CCDC38: variants seen among roughly 807,000 people sequenced by gnomAD.
CCDC38 encodes the protein coiled-coil domain containing 38.
CCDC38 carries 69 observed loss-of-function variants against 72.8 expected under a neutral mutation model. The observed-to-expected ratio is 0.95, with a 90% CI of 0.78 to 1.16. The LOEUF (loss-of-function observed/expected upper bound fraction) is 1.16, where lower values mean the gene tolerates loss of function less well. CCDC38 is among the 50% of genes most tolerant of loss of function. The pLI is 0.00. For missense variants in CCDC38, 626 were observed against 638.9 expected, an observed-to-expected ratio of 0.98 and a Z score of 0.22; for synonymous variants, 201 against 213.2, an observed-to-expected ratio of 0.94 and a Z score of 0.50.
chr12:95,878,885 A>C (rs973869143), intron 12 of CCDC38, among the ~76,000 whole-genome samples: 1 of 152,226 alleles, frequency 6.6e-6, no homozygotes, highest in African/African-American at 2.4e-5. Flanking sequence ...CAGAAATGGT[A>C]ATGGGTAGCT....
rs749877793 is a variant in CCDC38, at chr12:95,914,797, CT to C, written c.304+2331del. 1.2e-3 allele frequency among the ~76,000 whole-genome samples: 182 copies of C among 149,946 alleles called. 1 individual carries two copies. The highest frequency in any genetic ancestry group is 5.5e-3 in the South Asian group (26 of 4,712). On this transcript the variant is annotated intron_variant, in intron 4 of 15. Transcript: ENST00000344280. The stretch of plus-strand genomic sequence containing the variant: ...CCTCACACCCTATACCCTACACACA[CT>C]TTTTTTTTTCCCAAGCCATTCATTT...
At chr12:95,910,699 C>CA (rs1473081218) in intron 4 of CCDC38, among the ~76,000 whole-genome samples, 1 of 151,972 alleles carries the variant, frequency 6.6e-6, no homozygotes, top group African/African-American at 2.4e-5. Context: ...CCCATCTTTA[C>CA]AAAAAAATTA....
intron 4 of CCDC38, among the ~76,000 whole-genome samples, chr12:95,906,991 C>T (rs2080011694): frequency 6.6e-6 from 1 of 151,178 alleles, no homozygotes; most frequent in African/African-American, 2.4e-5. Flanking sequence ...CGTTTGTGTC[C>T]CTGGGTACTT....
At chr12:95,909,659 A>G (rs188021620) in intron 4 of CCDC38, among the ~76,000 whole-genome samples, 5 of 125,974 alleles carry the variant, frequency 4.0e-5, no homozygotes, top group African/African-American at 1.3e-4. Context: ...TCAAAAAAAC[A>G]CTAGCAAACT....
In CCDC38 at chr12:95,879,702, C is replaced by T. The variant is rs1210299390; in HGVS notation, c.1084G>A (p.Asp362Asn). 2 of 1,608,958 alleles carry T rather than the reference C, an allele frequency of 1.2e-6. No individual in the cohort carries two copies. The highest frequency in any genetic ancestry group is 8.5e-7 in the Non-Finnish European group (1 of 1,175,608). ...ACCTCTTCAAGATTTTCATCTACAT[C>T]TTGGGAATATTGAAACAAAGTAAGA... is the stretch of plus-strand genomic sequence containing the variant. ...QNLTLFQYSQ[D>N]VDENLEEVNK... The change falls in exon 12 of 16, where the codon GAT (aspartate) becomes AAT (asparagine). Residue 362 changes from aspartate (D) to asparagine (N), a missense_variant. Coordinates refer to ENST00000344280, the MANE Select transcript of CCDC38 (RefSeq NM_182496.3). The surrounding 1 kb of genome is among the most constrained non-coding windows in gnomAD (Gnocchi z 5.5).
chr12:95,914,780 C>G (rs1187656870), intron 4 of CCDC38, among the ~76,000 whole-genome samples: 1 of 151,974 alleles, frequency 6.6e-6, no homozygotes, highest in Non-Finnish European at 1.5e-5. Context: ...CTCCTCACAC[C>G]CTATACCCTA....
chr12:95,881,209 T>G (rs576341464), intron 11 of CCDC38, among the ~76,000 whole-genome samples: 50 of 150,602 alleles, frequency 3.3e-4, no homozygotes, highest in Non-Finnish European at 6.8e-4. Flanking sequence ...AGTGGCTATT[T>G]TTACAAGAAG....
rs138021354 is a variant in CCDC38, at chr12:95,891,807, G to A, written c.773-877C>T. On this transcript the variant is annotated intron_variant, in intron 8 of 15. Transcript: ENST00000344280. Reference sequence around the variant, plus strand: ...CTAATTTAATCACACTTGGCACAGTGAGAGACCTAGGGAACTCAGCAGGGA... The same window carrying A: ...CTAATTTAATCACACTTGGCACAGTAAGAGACCTAGGGAACTCAGCAGGGA... Among the ~76,000 whole-genome samples the A allele has an allele frequency of 5.2e-4, 79 of 152,150 alleles. 2 individuals are homozygous for A. The East Asian group carries it at 0.014, about 27-fold the overall frequency.
chr12:95,934,725 T>C (rs2080373874), intron 2 of CCDC38: 1 of 149,528 alleles, frequency 6.7e-6, no homozygotes, highest in African/African-American at 2.5e-5. Context: ...ACTAAATAAC[T>C]AGGCTGGGTG....
chr12:95,932,393 T>C (rs2080347135), intron 2 of CCDC38, among the ~76,000 whole-genome samples: 1 of 152,308 alleles, frequency 6.6e-6, no homozygotes, highest in African/African-American at 2.4e-5. Context: ...CTTCCTTCCA[T>C]TTGTTTCTTC....
intron 9 of CCDC38, among the ~76,000 whole-genome samples, chr12:95,890,253 A>C (rs894664552): frequency 1.3e-5 from 2 of 152,170 alleles, no homozygotes; most frequent in African/African-American, 4.8e-5. Context: ...AAGCCAAACA[A>C]CACCAAAACA....
intron 3 of CCDC38, among the ~76,000 whole-genome samples, chr12:95,918,068 A>G (rs1350534570): frequency 6.6e-6 from 1 of 152,182 alleles, no homozygotes; most frequent in East Asian, 1.9e-4. Context: ...GTTGTTGAGC[A>G]TTTCTAGATA....
intron 2 of CCDC38, among the ~76,000 whole-genome samples, chr12:95,931,296 C>A (rs2080335674): frequency 6.6e-6 from 1 of 152,192 alleles, no homozygotes; most frequent in African/African-American, 2.4e-5. Flanking sequence ...TGTCACATCA[C>A]CTTCTCGGTC....
At chr12:95,923,727 G>A (rs1221693736) in intron 2 of CCDC38, among the ~76,000 whole-genome samples, 128 of 151,820 alleles carry the variant, frequency 8.4e-4, no homozygotes, top group African/African-American at 2.3e-3. Context: ...AGAGTGTGAT[G>A]TTCCCCTTCC....
chr12:95,909,756 T>C (rs1397655748), intron 4 of CCDC38, among the ~76,000 whole-genome samples: 5 of 152,110 alleles, frequency 3.3e-5, no homozygotes, highest in Admixed American at 2.0e-4. Flanking sequence ...TATACACAAA[T>C]CAATAAATGT....
In CCDC38 at chr12:95,878,238, G is replaced by C; in HGVS notation, c.1251C>G (p.Ser417Arg). The C allele has an allele frequency of 1.2e-6, 2 of 1,613,416 alleles. No individual in the cohort carries two copies. The highest frequency in any genetic ancestry group is 1.7e-6 in the Non-Finnish European group (2 of 1,179,734). ...AELQLKSKLFSFGEFNSDAQE... is the reference protein window; with the variant it reads ...AELQLKSKLFRFGEFNSDAQE... Reference sequence around the variant, plus strand: ...GAGCATCTGAATTAAATTCTCCAAAGCTAAAGAGCTTGGACTTTAATTGCA... The same window carrying C: ...GAGCATCTGAATTAAATTCTCCAAACCTAAAGAGCTTGGACTTTAATTGCA... The change falls in exon 13 of 16, where the codon AGC (serine) becomes AGG (arginine). Residue 417 changes from serine to arginine, a missense_variant. Ser to Arg is a moderately radical substitution (Grantham distance 110). Transcript: ENST00000344280.
At chr12:95,907,817 A>G (rs1455265783) in intron 4 of CCDC38, among the ~76,000 whole-genome samples, 1 of 146,788 alleles carries the variant, frequency 6.8e-6, no homozygotes, top group Non-Finnish European at 1.5e-5. Context: ...GACAGGGCAG[A>G]GGCGCTCCCC....
intron 8 of CCDC38, among the ~76,000 whole-genome samples, chr12:95,892,120 T>A (rs547857189): frequency 8.3e-5 from 12 of 144,480 alleles, no homozygotes; most frequent in Non-Finnish European, 1.6e-4. Flanking sequence ...AGTCTCACTC[T>A]GCTTTACTGT....
chr12:95,903,697 T>C (rs766416271), intron 5 of CCDC38: 10 of 402,602 alleles, frequency 2.5e-5, no homozygotes, highest in Non-Finnish European at 4.4e-5. Context: ...ATTGATTTAT[T>C]TTTAAATGTT....
Sources: allele counts gnomAD v4.1 joint callset (sites outside exome capture counted in the v4.1 genomes callset), GRCh38; gene constraint gnomAD v4.1.1; non-coding constraint Gnocchi (gnomAD v3.1); transcripts MANE v1.5; gene names NCBI Gene and HGNC (gene_info 2026-07-23, HGNC 2026-07-21).